The following CDK5RAP2 variants were observed in gnomAD, a reference collection of about 807,000 sequenced individuals.
CDK5RAP2 encodes CDK5 regulatory subunit-associated protein 2.
A neutral mutation model predicts 232.9 loss-of-function variants in CDK5RAP2; 147 were observed. The ratio of observed to expected loss-of-function variants is 0.63; its 90% CI spans 0.55 to 0.72. The LOEUF is 0.72. Ranked by LOEUF, CDK5RAP2 falls within the 30% of genes least tolerant of loss-of-function variation. The pLI is 0.00. For missense variants in CDK5RAP2, 2,195 were observed against 2,231.5 expected (o/e 0.98, Z 0.33); for synonymous variants, 833 against 833.7 (o/e 1.00, Z 0.01).
intron 14 of CDK5RAP2, among the ~76,000 whole-genome samples, chr9:120,480,434 A>G (rs1295769412): frequency 1.3e-5 from 2 of 152,200 alleles, no homozygotes; most frequent in Admixed American, 6.5e-5. Flanking sequence ...TTTGTCATCA[A>G]AAGAAATAGT....
intron 13 of CDK5RAP2, among the ~76,000 whole-genome samples, chr9:120,487,834 T>C (rs1332381019): frequency 2.0e-5 from 3 of 152,228 alleles, no homozygotes; most frequent in Admixed American, 2.0e-4. Flanking sequence ...ATGGGGATGA[T>C]TACAAGACTT....
In CDK5RAP2 at chr9:120,471,730, A is replaced by T; in HGVS notation, c.1858+18T>A. ...AAGTGGAAAAACCAAAGAGAAGCACATAGAATAAAGTGTGTACCTTCCCGC... is the reference window on the plus strand; with the variant it reads ...AAGTGGAAAAACCAAAGAGAAGCACTTAGAATAAAGTGTGTACCTTCCCGC... On this transcript the variant is annotated intron_variant, in intron 16 of 37. Transcript: ENST00000349780. 6.2e-7 allele frequency: 1 copy of T among 1,614,030 alleles called. No individual in the cohort carries two copies. Among genetic ancestry groups the T allele is most frequent in the Non-Finnish European group, 8.5e-7 (1 of 1,179,886 alleles).
chr9:120,393,533 A>AG (rs953171112), intron 36 of CDK5RAP2, among the ~76,000 whole-genome samples: 1 of 152,258 alleles, frequency 6.6e-6, no homozygotes, highest in Non-Finnish European at 1.5e-5. Flanking sequence ...GCACCTCCAG[A>AG]GAAAAAGTGC....
chr9:120,426,831 T>C (rs1235194701), intron 25 of CDK5RAP2, among the ~76,000 whole-genome samples: 1 of 152,212 alleles, frequency 6.6e-6, no homozygotes, highest in Admixed American at 6.5e-5. Context: ...GGAGTCAGGT[T>C]AGAATTTGGT....
intron 24 of CDK5RAP2, 137 bp downstream of exon 24, chr9:120,439,262 C>T (rs1564216445): frequency 6.1e-6 from 5 of 822,666 alleles, no homozygotes; most frequent in East Asian, 2.5e-5. Context: ...GCTGCCTGAA[C>T]CCCACCATCA....
chr9:120,398,726 TA>T (rs1159017987), intron 35 of CDK5RAP2, among the ~76,000 whole-genome samples: 1 of 152,206 alleles, frequency 6.6e-6, no homozygotes, highest in Non-Finnish European at 1.5e-5. Flanking sequence ...ATCCTCCATT[TA>T]AAAAAATTAT....
chr9:120,545,192 A>G (rs1015796349), intron 5 of CDK5RAP2, among the ~76,000 whole-genome samples: 4 of 152,284 alleles, frequency 2.6e-5, no homozygotes, highest in Admixed American at 1.3e-4. Context: ...TGCCTCACCC[A>G]TCAGGACCCC....
chr9:120,578,621 C>T (rs1317180966), intron 1 of CDK5RAP2, among the ~76,000 whole-genome samples: 2 of 150,282 alleles, frequency 1.3e-5, no homozygotes, highest in Non-Finnish European at 2.9e-5. Flanking sequence ...GGCTACAGTG[C>T]AGTGGCATGA....
chr9:120,465,444 G>T (rs2037324255), intron 18 of CDK5RAP2, among the ~76,000 whole-genome samples: 1 of 152,072 alleles, frequency 6.6e-6, no homozygotes, highest in Admixed American at 6.6e-5. Context: ...TTGTTTGGTG[G>T]TGTCTACGTG....
intron 4 of CDK5RAP2, 142 bp downstream of exon 4, chr9:120,550,650 T>C: frequency 1.5e-6 from 1 of 689,062 alleles, no homozygotes; most frequent in Non-Finnish European, 2.7e-6. Flanking sequence ...TCCTAATATC[T>C]TTATGCTCCC....
At chr9:120,517,836 G>A (rs1287758260) in intron 12 of CDK5RAP2, 2 of 379,490 alleles carry the variant, frequency 5.3e-6, no homozygotes, top group Non-Finnish European at 1.1e-5. Context: ...GAGGTGGGAG[G>A]ATCACTTGAG....
At chr9:120,465,914 T>C (rs1216559327) in intron 18 of CDK5RAP2, among the ~76,000 whole-genome samples, 3 of 152,206 alleles carry the variant, frequency 2.0e-5, no homozygotes, top group Non-Finnish European at 4.4e-5. Flanking sequence ...CCAGGAGAGA[T>C]GTGTGCATCC....
At position 120,419,773 on chromosome 9, in the gene CDK5RAP2, T is replaced by G. The variant is rs766116804; in HGVS notation, c.4177+15A>C. The G allele has an allele frequency of 2.5e-6, 4 of 1,603,046 alleles. No individual in the cohort carries two copies. In the Admixed American group the frequency reaches 6.7e-5, roughly 27 times the overall value. On this transcript the variant is annotated intron_variant, in intron 27 of 37. Coordinates refer to ENST00000349780, the MANE Select transcript of CDK5RAP2 (RefSeq NM_018249.6). Reference sequence around the variant, plus strand: ...ATCAGGCCATGTTTAAAACACTTAATGAGGCTTAGCTTACCTTGAGAAAAA... The same window carrying G: ...ATCAGGCCATGTTTAAAACACTTAAGGAGGCTTAGCTTACCTTGAGAAAAA...
rs576366034 is a variant in CDK5RAP2 at position 120,539,725 on chromosome 9, G to T, written c.384-561C>A. On this transcript the variant is annotated intron_variant, in intron 5 of 37. Coordinates refer to ENST00000349780, the MANE Select transcript of CDK5RAP2 (RefSeq NM_018249.6). ...GTAATGTTACGATAAAAGCATCCTT[G>T]TATGTCTACTATCCAGTGACTTCCT... Among the ~76,000 whole-genome samples the T allele has an allele frequency of 8.4e-4, 128 of 152,342 alleles. 1 individual carries two copies. Among genetic ancestry groups the T allele is most frequent in the Non-Finnish European group, 1.6e-4 (11 of 68,032 alleles).
intron 3 of CDK5RAP2, among the ~76,000 whole-genome samples, chr9:120,563,888 C>A (rs2042549542): frequency 6.6e-6 from 1 of 152,156 alleles, no homozygotes; most frequent in African/African-American, 2.4e-5. Context: ...TCGGCTGAGG[C>A]CAAGAATTTT....
At chr9:120,417,470 C>A (rs1386728218) in intron 27 of CDK5RAP2, among the ~76,000 whole-genome samples, 1 of 152,234 alleles carries the variant, frequency 6.6e-6, no homozygotes, top group Admixed American at 6.5e-5. Flanking sequence ...CAGTCAGGAA[C>A]TTTTCTGTTT....
chr9:120,546,890 G>C (rs2041863306), intron 4 of CDK5RAP2, among the ~76,000 whole-genome samples: 1 of 152,128 alleles, frequency 6.6e-6, no homozygotes, highest in African/African-American at 2.4e-5. Context: ...TCCTGCTTCA[G>C]CCTCCCAAAG....
chr9:120,578,129 CGGTGGTGCACTCCTGT>C (rs1260249043), intron 1 of CDK5RAP2, among the ~76,000 whole-genome samples: 4 of 151,988 alleles, frequency 2.6e-5, no homozygotes, highest in Non-Finnish European at 5.9e-5. Flanking sequence ...TAGCCACGCA[CGGTGGTGCACTCCTGT>C]AATCCCAGCT....
At chr9:120,398,794 C>G (rs1490334298) in intron 35 of CDK5RAP2, among the ~76,000 whole-genome samples, 1 of 152,180 alleles carries the variant, frequency 6.6e-6, no homozygotes, top group Non-Finnish European at 1.5e-5. Flanking sequence ...GCACATGATA[C>G]ACACTTTCCA....
Sources: gnomAD v4.1 joint callset for allele counts (sites outside exome capture counted in the v4.1 genomes callset) on GRCh38, gnomAD v4.1.1 for gene constraint, MANE v1.5 for transcripts, NCBI Gene and HGNC (gene_info 2026-07-23, HGNC 2026-07-21) for gene names.